The following GRM7 variants were observed in gnomAD, a reference collection of about 807,000 sequenced individuals.
GRM7 encodes metabotropic glutamate receptor 7.
GRM7 carries 35 observed loss-of-function variants against 84.5 expected under a neutral mutation model. The ratio of observed to expected loss-of-function variants is 0.41; its 90% CI spans 0.32 to 0.55. GRM7 has a LOEUF of 0.55. Ranked by LOEUF, GRM7 falls within the 20% of genes least tolerant of loss-of-function variation. The pLI is 0.19. For synonymous variants in GRM7, 487 were observed against 455.1 expected, an observed-to-expected ratio of 1.07 and a Z score of -0.89; for missense variants, 1,003 against 1,194.6, an observed-to-expected ratio of 0.84 and a Z score of 2.36.
chr3:7,289,451 G>GA (rs1428424738), intron 2 of GRM7, among the ~76,000 whole-genome samples: 1 of 152,174 alleles, frequency 6.6e-6, no homozygotes, highest in Non-Finnish European at 1.5e-5. Flanking sequence ...ACAGTGTGGT[G>GA]ATTCCTCAGG....
Position 7,715,246 on chromosome 3 carries a change from G to C in GRM7, c.2699-25111G>C, listed in dbSNP as rs534693483. Among the ~76,000 whole-genome samples, 169 of 152,156 alleles carry C rather than the reference G, an allele frequency of 1.1e-3. 3 individuals carry two copies. The South Asian group carries it at 0.033, about 30-fold the overall frequency. ...GGGGCAAGGGTGGAGGATTACTTGA[G>C]GCCAAGAGTTCAAAACCAGCCTGGT... On this transcript the variant is annotated intron_variant, in intron 9 of 9. Coordinates refer to ENST00000357716, the MANE Select transcript of GRM7 (RefSeq NM_000844.4).
intron 7 of GRM7, among the ~76,000 whole-genome samples, chr3:7,498,757 A>C (rs983777698): frequency 6.6e-6 from 1 of 152,170 alleles, no homozygotes; most frequent in East Asian, 1.9e-4. Context: ...CCTTTTAGCT[A>C]TAAGAAGTTT....
chr3:7,400,216 C>T (rs536094291), intron 4 of GRM7, among the ~76,000 whole-genome samples: 26 of 152,280 alleles, frequency 1.7e-4, no homozygotes, highest in African/African-American at 6.3e-4. Flanking sequence ...TTCATCTAAG[C>T]ATGGACATGG....
At chr3:7,461,558 C>T (rs752705336) in intron 6 of GRM7, 25 bp from the exon 7 acceptor site, 12 of 1,595,790 alleles carry the variant, frequency 7.5e-6, no homozygotes, top group Non-Finnish European at 1.0e-5. Flanking sequence ...ACTTTAGAAT[C>T]TTTCATTTTT....
chr3:7,125,380 T>G (rs1347032666), intron 1 of GRM7, among the ~76,000 whole-genome samples: 1 of 152,148 alleles, frequency 6.6e-6, no homozygotes, highest in Non-Finnish European at 1.5e-5. Context: ...CTTAGAACAT[T>G]TTCCTTATTT....
chr3:7,661,143 A>G (rs1699427212), intron 8 of GRM7, among the ~76,000 whole-genome samples: 1 of 152,160 alleles, frequency 6.6e-6, no homozygotes, highest in South Asian at 2.1e-4. Flanking sequence ...TTTTCAAAAG[A>G]TAGTGTTAAG....
chr3:7,510,600 G>T, intron 7 of GRM7, among the ~76,000 whole-genome samples: 1 of 152,136 alleles, frequency 6.6e-6, no homozygotes, highest in Non-Finnish European at 1.5e-5. Context: ...GCTTGGGTAA[G>T]ATTAGGTAAA....
intron 4 of GRM7, among the ~76,000 whole-genome samples, chr3:7,338,500 A>G (rs1701512418): frequency 6.6e-6 from 1 of 152,066 alleles, no homozygotes; most frequent in Admixed American, 6.6e-5. Context: ...TGAAATAAAA[A>G]TAAAATAAAA....
At chr3:7,624,950 A>G (rs1697537848) in intron 8 of GRM7, among the ~76,000 whole-genome samples, 1 of 152,126 alleles carries the variant, frequency 6.6e-6, no homozygotes, top group South Asian at 2.1e-4. Context: ...AATAAATGAG[A>G]GTTGGGAGAG....
At chr3:7,146,780 C>T in intron 2 of GRM7, 112 bp downstream of exon 2, 2 of 714,118 alleles carry the variant, frequency 2.8e-6, no homozygotes, top group Non-Finnish European at 4.8e-6. Context: ...TCCCAGAGTC[C>T]TGTGAAGTAC....
intron 2 of GRM7, among the ~76,000 whole-genome samples, chr3:7,175,034 G>A (rs773847429): frequency 6.6e-5 from 10 of 152,162 alleles, no homozygotes; most frequent in South Asian, 6.2e-4. Flanking sequence ...ATTAAGGAGC[G>A]AGATCAGGCC....
intron 2 of GRM7, among the ~76,000 whole-genome samples, chr3:7,147,067 C>T (rs1694133957): frequency 6.6e-6 from 1 of 152,182 alleles, no homozygotes; most frequent in East Asian, 1.9e-4. Flanking sequence ...AATGCAATCA[C>T]TGTGCCAACT....
intron 1 of GRM7, among the ~76,000 whole-genome samples, chr3:7,033,645 T>A (rs564627675): frequency 6.6e-6 from 1 of 152,144 alleles, no homozygotes; most frequent in South Asian, 2.1e-4. Context: ...TCAAACTAAT[T>A]TCTTTTTACT....
At chr3:7,068,432 G>A (rs1353830) in intron 1 of GRM7, among the ~76,000 whole-genome samples, 39,508 of 151,874 alleles carry the variant, frequency 0.26, 5,906 homozygotes, top group African/African-American at 0.41. Context: ...CACAAAGTAC[G>A]CTACACAGCT....
intron 7 of GRM7, among the ~76,000 whole-genome samples, chr3:7,538,234 T>A (rs918481524): frequency 6.6e-6 from 1 of 152,130 alleles, no homozygotes; most frequent in East Asian, 1.9e-4. Flanking sequence ...CTCAGCCTCC[T>A]GAGAAGCTGG....
Position 7,526,926 on chromosome 3 carries a change from G to A in GRM7, c.1516-51496G>A, listed in dbSNP as rs140727134. ...ACAGTACCATGTTGTTTTGGTTACT[G>A]TAGCCTTATAGTATAGTTTGAAGTC... On this transcript the variant is annotated intron_variant, in intron 7 of 9. Coordinates refer to ENST00000357716, the MANE Select transcript of GRM7 (RefSeq NM_000844.4). 9.9e-3 allele frequency among the ~76,000 whole-genome samples: 1,505 copies of A among 152,054 alleles called. 29 individuals are homozygous for A. The highest frequency in any genetic ancestry group is 0.034 in the African/African-American group (1,411 of 41,510).
intron 1 of GRM7, among the ~76,000 whole-genome samples, chr3:6,888,654 G>A (rs1156448200): frequency 6.6e-6 from 1 of 152,140 alleles, no homozygotes; most frequent in East Asian, 1.9e-4. Context: ...ATAGTTTGAA[G>A]TCAGGTAGCA....
At chr3:7,444,676 T>C (rs1045316053) in intron 5 of GRM7, among the ~76,000 whole-genome samples, 1 of 152,110 alleles carries the variant, frequency 6.6e-6, no homozygotes, top group African/African-American at 2.4e-5. Context: ...CCTGTGTGCA[T>C]TGTACCTAAA....
intron 1 of GRM7, among the ~76,000 whole-genome samples, chr3:7,126,925 C>T (rs1284443540): frequency 6.6e-6 from 1 of 152,166 alleles, no homozygotes; most frequent in Non-Finnish European, 1.5e-5. Context: ...ATATTGAGAA[C>T]AAGGTGCACA....
Sources: allele counts gnomAD v4.1 joint callset (sites outside exome capture counted in the v4.1 genomes callset), GRCh38; gene constraint gnomAD v4.1.1; transcripts MANE v1.5; gene names NCBI Gene and HGNC (gene_info 2026-07-23, HGNC 2026-07-21).